Variants in NTNG1 observed in about 807,000 individuals in gnomAD.
NTNG1 encodes the protein netrin G1.
NTNG1 carries 16 observed loss-of-function variants against 54.0 expected under a neutral mutation model. The observed-to-expected ratio is 0.30, with a 90% CI of 0.20 to 0.45. The LOEUF (loss-of-function observed/expected upper bound fraction) is 0.45, where lower values mean the gene tolerates loss of function less well. Among genes scored for constraint, NTNG1 ranks in the 20% least tolerant of loss-of-function variants. The pLI is 1.00. For synonymous variants in NTNG1, 255 were observed against 263.1 expected, an observed-to-expected ratio of 0.97 and a Z score of 0.30; for missense variants, 530 against 678.7, an observed-to-expected ratio of 0.78 and a Z score of 2.43.
chr1:107,168,681 A>G (rs140722452), intron 2 of NTNG1, among the ~76,000 whole-genome samples: 58 of 152,270 alleles, frequency 3.8e-4, no homozygotes, highest in African/African-American at 1.2e-3. Flanking sequence ...ATCTATAGCA[A>G]TATCTGTGAT....
At chr1:107,184,255 C>T (rs779072942) in intron 2 of NTNG1, among the ~76,000 whole-genome samples, 2 of 152,096 alleles carry the variant, frequency 1.3e-5, no homozygotes, top group Non-Finnish European at 2.9e-5. Context: ...CAATTGTCTT[C>T]TTCCCACATA....
chr1:107,430,154 C>T (rs1047023236), intron 5 of NTNG1, among the ~76,000 whole-genome samples: 19 of 152,174 alleles, frequency 1.2e-4, no homozygotes, highest in African/African-American at 4.6e-4. Context: ...TGAAGAAAGG[C>T]TTAAGAAAGC....
rs894413465 is a variant in NTNG1 at position 107,148,788 on chromosome 1, C to T, written c.195C>T (p.Leu65=). Residue 65 remains leucine (L), a synonymous_variant, in exon 2 of 8, where the codon CTC becomes CTT. Transcript: ENST00000370068. ...TDMTKYLKVK[L]DPPDITCGDP... The stretch of plus-strand genomic sequence containing the variant: ...TGACAAAATATCTGAAAGTGAAACT[C>T]GATCCTCCGGATATTACCTGTGGAG... The T allele has an allele frequency of 3.1e-5, 50 of 1,613,512 alleles. No individual in the cohort carries two copies. Among genetic ancestry groups the T allele is most frequent in the African/African-American group, 6.7e-5 (5 of 74,894 alleles).
chr1:107,328,939 G>A (rs765603938), intron 3 of NTNG1: 11 of 152,108 alleles, frequency 7.2e-5, no homozygotes, highest in Non-Finnish European at 1.3e-4. Context: ...AGAACTTGAA[G>A]AAAGTGGACT....
chr1:107,452,736 A>G (rs1229204422), intron 7 of NTNG1, among the ~76,000 whole-genome samples: 1 of 152,266 alleles, frequency 6.6e-6, no homozygotes, highest in African/African-American at 2.4e-5. Context: ...CCATGATACA[A>G]TGAAGCAGGA....
chr1:107,376,262 G>C (rs958323738), intron 3 of NTNG1, among the ~76,000 whole-genome samples: 1 of 152,022 alleles, frequency 6.6e-6, no homozygotes, highest in Non-Finnish European at 1.5e-5. Flanking sequence ...CAAGAAATTA[G>C]CTGGGCGCGG....
chr1:107,366,196 G>A (rs1416318421), intron 3 of NTNG1, among the ~76,000 whole-genome samples: 1 of 152,124 alleles, frequency 6.6e-6, no homozygotes, highest in East Asian at 1.9e-4. Context: ...TCTCCACAAT[G>A]TTAGACCTCC....
At chr1:107,361,812 G>T (rs1670318196) in intron 3 of NTNG1, among the ~76,000 whole-genome samples, 1 of 152,122 alleles carries the variant, frequency 6.6e-6, no homozygotes, top group Non-Finnish European at 1.5e-5. Flanking sequence ...GCATCCTGCT[G>T]CAATAATCTG....
At chr1:107,236,349 G>A (rs1262607744) in intron 2 of NTNG1, among the ~76,000 whole-genome samples, 1 of 152,106 alleles carries the variant, frequency 6.6e-6, no homozygotes, top group East Asian at 1.9e-4. Flanking sequence ...CAGGCAGAAG[G>A]AAGAGGTTAT....
At chr1:107,188,135 A>G (rs1657607540) in intron 2 of NTNG1, among the ~76,000 whole-genome samples, 1 of 151,848 alleles carries the variant, frequency 6.6e-6, no homozygotes, top group Non-Finnish European at 1.5e-5. Flanking sequence ...TTACAAAAGT[A>G]TCAATTGATT....
At chr1:107,369,800 C>T (rs1231743069) in intron 3 of NTNG1, among the ~76,000 whole-genome samples, 1 of 151,870 alleles carries the variant, frequency 6.6e-6, no homozygotes, top group Non-Finnish European at 1.5e-5. Context: ...TCTAAGAAAC[C>T]TTTTCCTAAT....
chr1:107,369,637 G>A (rs1307207567), intron 3 of NTNG1, among the ~76,000 whole-genome samples: 1 of 151,978 alleles, frequency 6.6e-6, no homozygotes, highest in African/African-American at 2.4e-5. Context: ...TATGTATTCT[G>A]GATGCATATT....
intron 2 of NTNG1, among the ~76,000 whole-genome samples, chr1:107,175,790 A>G (rs1317287809): frequency 1.3e-5 from 2 of 152,208 alleles, no homozygotes; most frequent in Non-Finnish European, 2.9e-5. Flanking sequence ...ACCATATTTC[A>G]ACTTGGCATA....
intron 3 of NTNG1, among the ~76,000 whole-genome samples, chr1:107,359,093 A>G (rs1296756986): frequency 6.6e-6 from 1 of 152,200 alleles, no homozygotes; most frequent in East Asian, 1.9e-4. Flanking sequence ...TGCAGCTCCT[A>G]GATGCCAGTA....
At chr1:107,362,972 A>G (rs189405229) in intron 3 of NTNG1, among the ~76,000 whole-genome samples, 170 of 152,154 alleles carry the variant, frequency 1.1e-3, no homozygotes, top group Middle Eastern at 0.01. Context: ...CTTCTGTTTC[A>G]TGGCTTTTCC....
At chr1:107,254,255 A>C (rs907357407) in intron 2 of NTNG1, among the ~76,000 whole-genome samples, 1 of 152,238 alleles carries the variant, frequency 6.6e-6, no homozygotes, top group Non-Finnish European at 1.5e-5. Context: ...TGATGATAAA[A>C]TTGAGTTAAT....
chr1:107,243,605 A>G lies in NTNG1; in HGVS notation c.247-80677A>G, dbSNP rs570606595. Among the ~76,000 whole-genome samples, 3 of 152,154 alleles carry G rather than the reference A, an allele frequency of 2.0e-5. No individual in the cohort carries two copies. In the South Asian group the frequency reaches 6.2e-4, roughly 32 times the overall value. On this transcript the variant is annotated intron_variant, in intron 2 of 7. Transcript: ENST00000370068. Reference sequence around the variant, plus strand: ...GGGCTTTCACTGTATTGCCCTGGCTAGAGCGCACCAGCTGTTCACAGGCAC... The same window carrying G: ...GGGCTTTCACTGTATTGCCCTGGCTGGAGCGCACCAGCTGTTCACAGGCAC...
intron 2 of NTNG1, among the ~76,000 whole-genome samples, chr1:107,280,694 A>C (rs74108694): frequency 0.042 from 6,404 of 151,266 alleles, 432 homozygotes; most frequent in African/African-American, 0.15. Context: ...GTTACTGGGC[A>C]GGTATTCCCA....
chr1:107,484,180 G>A lies in NTNG1; in HGVS notation c.*3340G>A, dbSNP rs1303675505. On this transcript the variant is annotated 3_prime_UTR_variant, in exon 8 of 8. Coordinates refer to ENST00000370068, the MANE Select transcript of NTNG1 (RefSeq NM_001113226.3). ...CTGTGTGGATGGATTAGGCCCTGGG[G>A]CCTGGAGTGTTCACTGTGGAATTTA... Among the ~76,000 whole-genome samples the A allele has an allele frequency of 1.3e-5, 2 of 152,192 alleles. No individual in the cohort carries two copies.
Sources: allele counts gnomAD v4.1 joint callset (sites outside exome capture counted in the v4.1 genomes callset), GRCh38; gene constraint gnomAD v4.1.1; transcripts MANE v1.5; gene names NCBI Gene and HGNC (gene_info 2026-07-23, HGNC 2026-07-21).